The following LEKR1 variants were observed in gnomAD, a reference collection of about 807,000 sequenced individuals.
LEKR1 encodes the protein protein LEKR1.
LEKR1 carries 59 observed loss-of-function variants against 72.4 expected under a neutral mutation model. That is an observed-to-expected ratio of 0.82 (90% confidence interval 0.66 to 1.01). The LOEUF (loss-of-function observed/expected upper bound fraction) is 1.01, where lower values mean the gene tolerates loss of function less well. LEKR1 is among the 50% of genes least tolerant of loss of function. The probability of loss-of-function intolerance (pLI) is 0.00; values close to 1 mark genes in which losing one functional copy is unlikely to be tolerated. For synonymous variants in LEKR1, 257 were observed against 263.2 expected (o/e 0.98, Z 0.23); for missense variants, 728 against 759.2 (o/e 0.96, Z 0.48).
intron 3 of LEKR1, among the ~76,000 whole-genome samples, chr3:156,899,223 T>G: frequency 6.7e-6 from 1 of 148,194 alleles, no homozygotes. Context: ...CCATTCTGTG[T>G]TCCTAGCTCT....
rs1194879788 is a variant in LEKR1 at position 156,974,512 on chromosome 3, T to A, written c.746-4682T>A. On this transcript the variant is annotated intron_variant, in intron 6 of 12. Transcript: ENST00000356539. ...TATTCACCTCCAGCTGCAATTCAGT[T>A]TTTCTGCTCCCTATTCATGGAATCA... is the stretch of plus-strand genomic sequence containing the variant. 2.6e-5 allele frequency among the ~76,000 whole-genome samples: 4 copies of A among 152,104 alleles called. No homozygotes were observed. The East Asian group carries it at 7.7e-4, about 29-fold the overall frequency.
intron 4 of LEKR1, among the ~76,000 whole-genome samples, chr3:156,922,773 C>T (rs1490361919): frequency 1.3e-5 from 2 of 152,068 alleles, no homozygotes; most frequent in Non-Finnish European, 2.9e-5. Flanking sequence ...ATATTAAAAA[C>T]CTGAATGAAA....
chr3:156,913,426 A>T (rs1431045550), intron 3 of LEKR1, among the ~76,000 whole-genome samples: 1 of 152,070 alleles, frequency 6.6e-6, no homozygotes, highest in African/African-American at 2.4e-5. Context: ...TTGGCTCTCC[A>T]CTAGAATATT....
chr3:156,911,108 A>G (rs998397005), intron 3 of LEKR1, among the ~76,000 whole-genome samples: 6 of 151,622 alleles, frequency 4.0e-5, no homozygotes, highest in Non-Finnish European at 8.8e-5. Context: ...ATTTTTTCAT[A>G]TGTTTGTTGG....
chr3:156,966,448 A>G (rs745608063), intron 6 of LEKR1, among the ~76,000 whole-genome samples: 176 of 152,332 alleles, frequency 1.2e-3, no homozygotes, highest in Non-Finnish European at 2.0e-3. Context: ...CGCTTTTCCA[A>G]TGATCTTAGC....
chr3:156,968,864 A>G (rs1728878380), intron 6 of LEKR1, among the ~76,000 whole-genome samples: 3 of 152,234 alleles, frequency 2.0e-5, no homozygotes, highest in Non-Finnish European at 4.4e-5. Context: ...AAAATTGACC[A>G]CATAGTTGGA....
intron 6 of LEKR1, among the ~76,000 whole-genome samples, chr3:156,955,041 A>T (rs1216099142): frequency 6.6e-6 from 1 of 151,758 alleles, no homozygotes; most frequent in Non-Finnish European, 1.5e-5. Flanking sequence ...TTGAGCAGTC[A>T]TTTGTAGTTC....
At chr3:156,923,982 C>A (rs1724464223) in intron 4 of LEKR1, among the ~76,000 whole-genome samples, 1 of 152,208 alleles carries the variant, frequency 6.6e-6, no homozygotes, top group Admixed American at 6.5e-5. Context: ...CTACCTCAGC[C>A]TCCCAAAGTG....
At chr3:156,956,193 T>A (rs1233430257) in intron 6 of LEKR1, among the ~76,000 whole-genome samples, 1 of 151,880 alleles carries the variant, frequency 6.6e-6, no homozygotes, top group African/African-American at 2.4e-5. Flanking sequence ...CCACAAGAAC[T>A]CTCTGGTGAG....
At chr3:156,946,583 A>G (rs755344017) in intron 6 of LEKR1, among the ~76,000 whole-genome samples, 1 of 151,486 alleles carries the variant, frequency 6.6e-6, no homozygotes, top group Non-Finnish European at 1.5e-5. Flanking sequence ...GACCTCTTAT[A>G]TATGGCTTTT....
intron 7 of LEKR1, among the ~76,000 whole-genome samples, chr3:156,982,547 T>C (rs1282896276): frequency 6.6e-6 from 1 of 152,170 alleles, no homozygotes; most frequent in Admixed American, 6.6e-5. Context: ...CAAGCAAGAT[T>C]TATCCTTAGA....
At chr3:156,952,908 C>G (rs1006788131) in intron 6 of LEKR1, among the ~76,000 whole-genome samples, 3 of 151,300 alleles carry the variant, frequency 2.0e-5, no homozygotes, top group Admixed American at 1.3e-4. Context: ...GAGAAAGTTC[C>G]TTGTTCCTTG....
At chr3:157,014,051 C>G (rs557967978) in intron 10 of LEKR1, among the ~76,000 whole-genome samples, 1 of 151,914 alleles carries the variant, frequency 6.6e-6, no homozygotes, top group Non-Finnish European at 1.5e-5. Flanking sequence ...TCAAGTATTA[C>G]TACTTGAAGA....
At chr3:156,998,649 T>C (rs192872418) in intron 9 of LEKR1, among the ~76,000 whole-genome samples, 2 of 152,294 alleles carry the variant, frequency 1.3e-5, no homozygotes, top group East Asian at 3.9e-4. Context: ...ATATAAATAA[T>C]ATACATCTGC....
At chr3:156,874,844 G>A (rs937116069) in intron 3 of LEKR1, among the ~76,000 whole-genome samples, 1 of 152,116 alleles carries the variant, frequency 6.6e-6, no homozygotes, top group African/African-American at 2.4e-5. Flanking sequence ...ACCACATCCA[G>A]GATGCTGCAA....
At chr3:156,907,822 A>T (rs558616966) in intron 3 of LEKR1, among the ~76,000 whole-genome samples, 2 of 152,220 alleles carry the variant, frequency 1.3e-5, no homozygotes, top group South Asian at 2.1e-4. Flanking sequence ...TGGTTTTATC[A>T]TATTTTTTCA....
intron 3 of LEKR1, among the ~76,000 whole-genome samples, chr3:156,873,033 A>G (rs62275181): frequency 0.032 from 4,827 of 152,108 alleles, 114 homozygotes; most frequent in Non-Finnish European, 0.047. Flanking sequence ...AGGGTGTTGA[A>G]GTCCTCAGTA....
At chr3:156,973,494 C>A (rs956088318) in intron 6 of LEKR1, among the ~76,000 whole-genome samples, 20 of 151,972 alleles carry the variant, frequency 1.3e-4, no homozygotes, top group African/African-American at 4.8e-4. Flanking sequence ...TAGAGTGAAT[C>A]TAAGATTAAG....
rs1735718066 is a variant in LEKR1, at chr3:157,045,820, A to G, written c.*70A>G. ...TCAGAGAGTGCCAGGAATTCACTGT[A>G]ACTGAGAATGACAATGATAAAATTA... On this transcript the variant is annotated 3_prime_UTR_variant, in exon 13 of 13. Transcript: ENST00000356539. 7.8e-7 allele frequency: 1 copy of G among 1,289,332 alleles called. No homozygotes were observed. Among genetic ancestry groups the G allele is most frequent in the Non-Finnish European group, 1.1e-6 (1 of 923,336 alleles). The allele number at this position is 1,289,332 out of a possible 1,614,324, so 79.9% of individuals were successfully genotyped here. A position where few individuals can be genotyped will look rare whatever the true frequency, so the allele number is the denominator to read the frequency against.
Sources: gnomAD v4.1 joint callset for allele counts (sites outside exome capture counted in the v4.1 genomes callset) on GRCh38, gnomAD v4.1.1 for gene constraint, MANE v1.5 for transcripts, NCBI Gene and HGNC (gene_info 2026-07-23, HGNC 2026-07-21) for gene names.